The following ZFC3H1 variants were observed in gnomAD, a reference collection of about 807,000 sequenced individuals.
ZFC3H1 encodes zinc finger C3H1 domain-containing protein.
ZFC3H1 carries 71 observed loss-of-function variants against 243.7 expected under a neutral mutation model. The ratio of observed to expected loss-of-function variants is 0.29; its 90% CI spans 0.24 to 0.36. ZFC3H1 has a LOEUF of 0.36. Ranked by LOEUF, ZFC3H1 falls within the 10% of genes least tolerant of loss-of-function variation. ZFC3H1 has a pLI of 1.00. For missense variants in ZFC3H1, 1,966 were observed against 2,317.1 expected (o/e 0.85, Z 3.11); for synonymous variants, 838 against 813.0 (o/e 1.03, Z -0.52).
chr12:71,640,967 A>G (rs1230500806), intron 6 of ZFC3H1, among the ~76,000 whole-genome samples: 1 of 152,182 alleles, frequency 6.6e-6, no homozygotes, highest in Non-Finnish European at 1.5e-5. Flanking sequence ...CATTTCTTCA[A>G]ATATAATATG....
chr12:71,643,100 G>A (rs116512441), intron 5 of ZFC3H1, among the ~76,000 whole-genome samples: 213 of 152,136 alleles, frequency 1.4e-3, no homozygotes, highest in African/African-American at 4.6e-3. Context: ...CTAAAAACTC[G>A]CAAAACCTCT....
At position 71,627,824 on chromosome 12, in the gene ZFC3H1, T is replaced by C. The variant is rs371291137; in HGVS notation, c.4057A>G (p.Ser1353Gly). 1.4e-5 allele frequency: 22 copies of C among 1,613,828 alleles called. No homozygotes were observed. The highest frequency in any genetic ancestry group is 2.7e-5 in the African/African-American group (2 of 74,916). The change falls in exon 21 of 35, where the codon AGT becomes GGT. Residue 1353 changes from serine to glycine, a missense_variant. By Grantham distance (56) the Ser-to-Gly change is moderately conservative. This residue lies in a region of ZFC3H1 where 1,383 missense variants were observed against 1,723.7 expected (regional missense o/e 0.80). Transcript: ENST00000378743. ...ETDDIANLEA[S>G]VLENPSHVQL... ...ACATGAGAAGGATTTTCAAGCACAC[T>C]TGCTTCTAAATTAGCGATGTCATCA...
At chr12:71,659,509 G>T (rs1313658763) in intron 1 of ZFC3H1, among the ~76,000 whole-genome samples, 2 of 151,748 alleles carry the variant, frequency 1.3e-5, no homozygotes, top group South Asian at 4.1e-4. Context: ...CTCTTTGTAT[G>T]TAAGTTCTGT....
chr12:71,640,475 TG>T (rs1880573439), intron 6 of ZFC3H1, among the ~76,000 whole-genome samples: 1 of 152,202 alleles, frequency 6.6e-6, no homozygotes, highest in South Asian at 2.1e-4. Context: ...GAAGGCTGGT[TG>T]GAACAGAGGT....
At chr12:71,634,579 A>G in intron 11 of ZFC3H1, 125 bp downstream of exon 11, 1 of 1,174,522 alleles carries the variant, frequency 8.5e-7, no homozygotes. Flanking sequence ...TGTGAGTTAT[A>G]AAACATTAAC....
At chr12:71,654,657 ATT>A (rs1428709431) in intron 2 of ZFC3H1, among the ~76,000 whole-genome samples, 2 of 152,178 alleles carry the variant, frequency 1.3e-5, no homozygotes, top group African/African-American at 4.8e-5. Flanking sequence ...ATGAAAAAAA[ATT>A]GTGTGAAGAA....
rs773219785 is a variant in ZFC3H1, at chr12:71,613,441, A to G, written c.5527-6T>C. On this transcript the variant is annotated splice_region_variant and splice_polypyrimidine_tract_variant and intron_variant, in intron 30 of 34. Transcript: ENST00000378743. ...CTCAAATAAAAGAAAATAACCTGTA[A>G]AGGTTGAGGGGGGCGAAAAATGAAT... is the stretch of plus-strand genomic sequence containing the variant. 3.8e-6 allele frequency: 6 copies of G among 1,593,772 alleles called. No individual in the cohort carries two copies. The highest frequency in any genetic ancestry group is 2.6e-6 in the Non-Finnish European group (3 of 1,167,432).
At chr12:71,642,208 G>GT (rs1210710303) in intron 6 of ZFC3H1, among the ~76,000 whole-genome samples, 1 of 152,090 alleles carries the variant, frequency 6.6e-6, no homozygotes, top group African/African-American at 2.4e-5. Context: ...TTATTTATTT[G>GT]TTTTTTAATT....
At chr12:71,651,048 C>G (rs1237535196) in intron 2 of ZFC3H1, among the ~76,000 whole-genome samples, 3 of 152,142 alleles carry the variant, frequency 2.0e-5, no homozygotes, top group Non-Finnish European at 4.4e-5. Context: ...CAAACTTCAG[C>G]ATGTAGCAGA....
At chr12:71,611,437 A>T (rs1879767026) in intron 32 of ZFC3H1, 1 of 143,666 alleles carries the variant, frequency 7.0e-6, no homozygotes, top group Non-Finnish European at 1.5e-5. Flanking sequence ...AAGAAAGAAG[A>T]AATCAGACTA....
At chr12:71,656,288 G>T (rs1317091310) in intron 2 of ZFC3H1, 2 of 341,354 alleles carry the variant, frequency 5.9e-6, no homozygotes, top group Non-Finnish European at 1.0e-5. Context: ...AAATTTTACT[G>T]TATATAAATT....
In ZFC3H1 at chr12:71,663,445, T is replaced by C. The variant is rs1881247927; in HGVS notation, c.166A>G (p.Arg56Gly). The change falls in exon 1 of 35, where the codon AGG becomes GGG. Residue 56 changes from arginine (R) to glycine (G), a missense_variant. Physicochemically the swap from Arg to Gly is moderately radical, Grantham distance 125. Around this residue, in one of 4 missense-constraint regions of ZFC3H1, gnomAD observed 484 missense variants for 449.7 expected, o/e 1.08. Transcript: ENST00000378743. ...CCGCCCCGGGCCGAGTGAGGAGGCC[T>C]TCGCCGCGGATAGGGTAACAGCCCG... is the stretch of plus-strand genomic sequence containing the variant. Reference protein sequence around the residue: ...GGGLLPYPRRRPPHSARGGGS... With the variant: ...GGGLLPYPRRGPPHSARGGGS... 6.2e-7 allele frequency: 1 copy of C among 1,612,068 alleles called. No homozygotes were observed. The highest frequency in any genetic ancestry group is 1.1e-5 in the South Asian group (1 of 91,094).
At chr12:71,642,619 A>C in intron 5 of ZFC3H1, 60 bp from the exon 6 acceptor site, 1 of 1,541,468 alleles carries the variant, frequency 6.5e-7, no homozygotes, top group Non-Finnish European at 8.8e-7. Context: ...ACAAATCACA[A>C]AAGAACTGAT....
intron 30 of ZFC3H1, 137 bp downstream of exon 30, chr12:71,614,398 T>A: frequency 1.3e-6 from 1 of 742,704 alleles, no homozygotes; most frequent in South Asian, 3.2e-5. Flanking sequence ...ATAAGAAACA[T>A]AGTCAAGAAT....
Position 71,631,966 on chromosome 12 carries a change from A to G in ZFC3H1, c.3360+6T>C. ...ATTTTAAAGAAAATATGAAATGTTC[A>G]GTTACCTGACCATGCAAAACCTTCT... On this transcript the variant is annotated splice_donor_region_variant and intron_variant, in intron 15 of 34. Coordinates refer to ENST00000378743, the MANE Select transcript of ZFC3H1 (RefSeq NM_144982.5). 6 of 1,602,378 alleles carry G rather than the reference A, an allele frequency of 3.7e-6. No individual in the cohort carries two copies. Among genetic ancestry groups the G allele is most frequent in the Non-Finnish European group, 5.1e-6 (6 of 1,175,550 alleles).
intron 24 of ZFC3H1, among the ~76,000 whole-genome samples, chr12:71,621,379 C>T (rs1018964568): frequency 1.8e-4 from 28 of 151,570 alleles, no homozygotes; most frequent in African/African-American, 6.5e-4. Flanking sequence ...CCTCGGCTCA[C>T]TGCAACCTCT....
intron 3 of ZFC3H1, among the ~76,000 whole-genome samples, chr12:71,645,748 T>G (rs1469857217): frequency 5.3e-5 from 8 of 152,224 alleles, no homozygotes; most frequent in Non-Finnish European, 5.9e-5. Flanking sequence ...TAAAAGCAGA[T>G]GTCTGAGAAC....
chr12:71,624,064 T>C, intron 23 of ZFC3H1, 40 bp downstream of exon 23: 2 of 1,566,840 alleles, frequency 1.3e-6, no homozygotes, highest in Non-Finnish European at 1.7e-6. Context: ...TTTTAAACTT[T>C]TTCTGCAAAA....
chr12:71,610,821 AT>A, intron 33 of ZFC3H1, 64 bp from the exon 34 acceptor site: 2 of 1,523,502 alleles, frequency 1.3e-6, no homozygotes, highest in Non-Finnish European at 1.8e-6. Context: ...TCATAATTCC[AT>A]CTGTTTAAAG....
Sources: gnomAD v4.1 joint callset for allele counts (sites outside exome capture counted in the v4.1 genomes callset) on GRCh38, gnomAD v4.1.1 for gene constraint, gnomAD v4.1.1 regional missense constraint, MANE v1.5 for transcripts, NCBI Gene and HGNC (gene_info 2026-07-23, HGNC 2026-07-21) for gene names.